The following NAP1L4 variants were observed in gnomAD, a reference collection of about 807,000 sequenced individuals.
NAP1L4 encodes the protein nucleosome assembly protein 1 like 4.
Under a neutral mutation model 58.2 loss-of-function variants are expected in NAP1L4, and 15 were observed. The ratio of observed to expected loss-of-function variants is 0.26; its 90% confidence interval spans 0.17 to 0.40. The LOEUF (loss-of-function observed/expected upper bound fraction) is 0.40, where lower values mean the gene tolerates loss of function less well. Among genes scored for constraint, NAP1L4 ranks in the 10% least tolerant of loss-of-function variants. The pLI, the probability that NAP1L4 is intolerant of heterozygous loss-of-function variation, is 1.00. For missense variants in NAP1L4, 384 were observed against 451.1 expected (o/e 0.85, Z 1.35); for synonymous variants, 171 against 155.6 (o/e 1.10, Z -0.74).
intron 1 of NAP1L4, chr11:2,990,027 T>C (rs1426805695): frequency 2.0e-5 from 3 of 152,244 alleles, no homozygotes; most frequent in African/African-American, 7.2e-5. Flanking sequence ...ATTTATTTGC[T>C]ACTGCAAAGA....
At chr11:2,974,852 C>T (rs1012823817) in intron 4 of NAP1L4, among the ~76,000 whole-genome samples, 2 of 152,140 alleles carry the variant, frequency 1.3e-5, no homozygotes, top group African/African-American at 4.8e-5. Flanking sequence ...CCAGAACGTA[C>T]AGTGAAATAA....
intron 1 of NAP1L4, chr11:2,989,852 T>C (rs1208891949): frequency 3.3e-5 from 5 of 152,172 alleles, no homozygotes; most frequent in Admixed American, 6.6e-5. Context: ...AAATAAGAAC[T>C]ACCTCTCATA....
chr11:2,991,077 C>T (rs1183291591), intron 1 of NAP1L4: 1 of 456,392 alleles, frequency 2.2e-6, no homozygotes, highest in Admixed American at 2.3e-5. Context: ...GACGAATGTG[C>T]CCCGACGATT....
At chr11:2,967,488 G>A (rs544065523) in intron 7 of NAP1L4, among the ~76,000 whole-genome samples, 10 of 152,012 alleles carry the variant, frequency 6.6e-5, no homozygotes, top group Admixed American at 5.9e-4. Flanking sequence ...GCGGATGCCT[G>A]TAGTCCCAGC....
chr11:2,974,851 A>G (rs1847854307), intron 4 of NAP1L4, among the ~76,000 whole-genome samples: 1 of 152,250 alleles, frequency 6.6e-6, no homozygotes, highest in Non-Finnish European at 1.5e-5. Context: ...TCCAGAACGT[A>G]CAGTGAAATA....
At chr11:2,953,257 C>T (rs1369448267) in intron 12 of NAP1L4, among the ~76,000 whole-genome samples, 1 of 152,184 alleles carries the variant, frequency 6.6e-6, no homozygotes, top group Non-Finnish European at 1.5e-5. Flanking sequence ...GTACAGATAC[C>T]GCATATAAGT....
chr11:2,978,064 A>C (rs1848073931), intron 3 of NAP1L4, among the ~76,000 whole-genome samples: 1 of 152,224 alleles, frequency 6.6e-6, no homozygotes, highest in Non-Finnish European at 1.5e-5. Context: ...GGTAGCTACA[A>C]GAAGGTAGAC....
intron 10 of NAP1L4, among the ~76,000 whole-genome samples, chr11:2,956,306 G>A (rs926856821): frequency 1.3e-5 from 2 of 152,128 alleles, no homozygotes; most frequent in African/African-American, 2.4e-5. Flanking sequence ...ATTCCTCAGC[G>A]AAAGCTGATG....
Position 2,949,170 on chromosome 11 carries a change from T to C in NAP1L4, c.*32+57A>G. ...TTTATTCAAAGTCAAAACAATGCAT[T>C]GTATAAAGTATAGATCAGAAGTTTG... On this transcript the variant is annotated intron_variant, in intron 15 of 15. Coordinates refer to ENST00000380542, the MANE Select transcript of NAP1L4 (RefSeq NM_005969.4). This position sits in a 1 kb window ranked among gnomAD's most constrained non-coding sequence, Gnocchi z 4.0. 1 of 1,354,394 alleles carries C rather than the reference T, an allele frequency of 7.4e-7. No individual in the cohort carries two copies. Among genetic ancestry groups the C allele is most frequent in the South Asian group, 1.2e-5 (1 of 82,266 alleles). 83.9% of individuals were successfully genotyped at this position (1,354,394 alleles called of 1,614,324 possible). A position where few individuals can be genotyped will look rare whatever the true frequency, so the allele number is the denominator to read the frequency against.
intron 7 of NAP1L4, among the ~76,000 whole-genome samples, chr11:2,968,062 G>A (rs1371100303): frequency 6.6e-6 from 1 of 152,146 alleles, no homozygotes; most frequent in East Asian, 1.9e-4. Flanking sequence ...CAACCCTGCA[G>A]TGCAAGAATC....
intron 7 of NAP1L4, among the ~76,000 whole-genome samples, chr11:2,965,115 G>A (rs1297582019): frequency 6.6e-6 from 1 of 152,220 alleles, no homozygotes; most frequent in African/African-American, 2.4e-5. Context: ...AAGACTGTTG[G>A]TCCTCAGCCT....
At chr11:2,969,003 T>G (rs1448626609) in intron 7 of NAP1L4, among the ~76,000 whole-genome samples, 1 of 79,000 alleles carries the variant, frequency 1.3e-5, no homozygotes, top group Non-Finnish European at 2.3e-5. Context: ...TTTTTTTTTT[T>G]TTTTTTGGAG....
chr11:2,945,749 T>C (rs1845907792), intron 15 of NAP1L4, 103 bp from the exon 16 acceptor site: 8 of 921,640 alleles, frequency 8.7e-6, no homozygotes, highest in Admixed American at 6.2e-5. Flanking sequence ...TTCATTCTCA[T>C]TGAAAAAAAT....
At chr11:2,980,140 C>A (rs1190166551) in intron 1 of NAP1L4, among the ~76,000 whole-genome samples, 3 of 152,056 alleles carry the variant, frequency 2.0e-5, no homozygotes, top group Non-Finnish European at 4.4e-5. Flanking sequence ...AGGGTGTGTT[C>A]TAGGGCATTT....
chr11:2,967,028 T>A (rs561648005), intron 7 of NAP1L4, among the ~76,000 whole-genome samples: 1 of 152,202 alleles, frequency 6.6e-6, no homozygotes, highest in South Asian at 2.1e-4. Flanking sequence ...AATTTTCCAC[T>A]CTCCTTGCAG....
rs905336736 is a variant in NAP1L4 at position 2,949,983 on chromosome 11, C to T, written c.1123-719G>A. Reference sequence around the variant, plus strand: ...AAGTGTCCATTCAGCGCCCACAAGGCGGAAACACAGCCCAATAAACACACG... The same window carrying T: ...AAGTGTCCATTCAGCGCCCACAAGGTGGAAACACAGCCCAATAAACACACG... On this transcript the variant is annotated intron_variant, in intron 14 of 15. Transcript: ENST00000380542. The surrounding 1 kb of genome is among the most constrained non-coding windows in gnomAD (Gnocchi z 4.0). Among the ~76,000 whole-genome samples, 1 of 152,240 alleles carries T rather than the reference C, an allele frequency of 6.6e-6. No homozygotes were observed. The highest frequency in any genetic ancestry group is 2.1e-4 in the South Asian group (1 of 4,828).
At position 2,971,393 on chromosome 11, in the gene NAP1L4, CTTATTT is replaced by C. The variant is rs913631488; in HGVS notation, c.402+49_402+54del. 2.7e-6 allele frequency: 4 copies of C among 1,466,900 alleles called. No individual in the cohort carries two copies. Among genetic ancestry groups the C allele is most frequent in the East Asian group, 2.3e-5 (1 of 43,792 alleles). The allele number at this position is 1,466,900 out of a possible 1,614,324, so 90.9% of individuals were successfully genotyped here. A position where few individuals can be genotyped will look rare whatever the true frequency, so the allele number is the denominator to read the frequency against. On this transcript the variant is annotated intron_variant, in intron 6 of 15. Coordinates refer to ENST00000380542, the MANE Select transcript of NAP1L4 (RefSeq NM_005969.4). The surrounding 1 kb of genome is among the most constrained non-coding windows in gnomAD (Gnocchi z 4.2). ...AGTCATTAAAAATCATTAAAAAATG[CTTATTT>C]TTAACAGTATTAAAACAGAACATGA...
chr11:2,947,170 C>T (rs928444974), intron 15 of NAP1L4, among the ~76,000 whole-genome samples: 1 of 152,160 alleles, frequency 6.6e-6, no homozygotes, highest in South Asian at 2.1e-4. Context: ...ATCTGGAACC[C>T]AAGACAAAGA....
rs543305071 is a variant in NAP1L4, at chr11:2,951,394, G to A, written c.1066-79C>T. 1.7e-6 allele frequency: 2 copies of A among 1,182,646 alleles called. No homozygotes were observed. Among genetic ancestry groups the A allele is most frequent in the Admixed American group, 3.4e-5 (2 of 58,000 alleles). The allele number at this position is 1,182,646 out of a possible 1,614,324, so 73.3% of individuals were successfully genotyped here. A position where few individuals can be genotyped will look rare whatever the true frequency, so the allele number is the denominator to read the frequency against. On this transcript the variant is annotated intron_variant, in intron 13 of 15. Coordinates refer to ENST00000380542, the MANE Select transcript of NAP1L4 (RefSeq NM_005969.4). The surrounding 1 kb of genome is among the most constrained non-coding windows in gnomAD (Gnocchi z 4.0). ...CATTCACAATCCACAAACACAAGGA[G>A]CAAAACACTGCCTTAGATGGAAATC... is the stretch of plus-strand genomic sequence containing the variant.
Sources: allele counts gnomAD v4.1 joint callset (sites outside exome capture counted in the v4.1 genomes callset), GRCh38; gene constraint gnomAD v4.1.1; non-coding constraint Gnocchi (gnomAD v3.1); transcripts MANE v1.5; gene names NCBI Gene and HGNC (gene_info 2026-07-23, HGNC 2026-07-21).